SNAPC3: variants seen among roughly 807,000 people sequenced by gnomAD.
SNAPC3 encodes the protein small nuclear RNA activating complex polypeptide 3.
A neutral mutation model predicts 47.7 loss-of-function variants in SNAPC3; 56 were observed. The observed-to-expected ratio is 1.18, with a 90% confidence interval of 0.95 to 1.47. SNAPC3 has a LOEUF of 1.47. Ranked by LOEUF, SNAPC3 falls within the 40% of genes most tolerant of loss-of-function variation. The pLI is 0.00. For missense variants in SNAPC3, 665 were observed against 511.3 expected, an observed-to-expected ratio of 1.30 and a Z score of -2.90; for synonymous variants, 235 against 189.9, an observed-to-expected ratio of 1.24 and a Z score of -1.95.
intron 3 of SNAPC3, among the ~76,000 whole-genome samples, chr9:15,434,940 G>A (rs1020297851): frequency 3.3e-5 from 5 of 152,004 alleles, no homozygotes; most frequent in East Asian, 1.9e-4. Flanking sequence ...TTTATTTTGC[G>A]TCTGCCCCTA....
intron 3 of SNAPC3, among the ~76,000 whole-genome samples, chr9:15,440,325 G>T (rs1280291302): frequency 6.6e-6 from 1 of 152,012 alleles, no homozygotes; most frequent in Non-Finnish European, 1.5e-5. Context: ...TTTCATTTCA[G>T]CCTGAAGAAT....
chr9:15,464,453 A>G (rs1350167338), downstream of SNAPC3: 1 of 200,452 alleles, frequency 5.0e-6, no homozygotes. Context: ...ATTTTGTAAC[A>G]TTGATTTTAC....
chr9:15,442,609 A>G (rs4510952), intron 3 of SNAPC3, among the ~76,000 whole-genome samples: 137,155 of 150,472 alleles, frequency 0.91, 62,694 homozygotes, highest in African/African-American at 0.95. Context: ...CATCTCAGAC[A>G]ATGGGCGGCC....
intron 2 of SNAPC3, among the ~76,000 whole-genome samples, chr9:15,425,655 C>T (rs562796526): frequency 1.3e-5 from 2 of 152,338 alleles, no homozygotes; most frequent in South Asian, 4.1e-4. Flanking sequence ...AGAGTCCAAA[C>T]TCCCATCTGT....
chr9:15,434,075 G>A (rs891718930), intron 3 of SNAPC3, among the ~76,000 whole-genome samples: 5 of 144,334 alleles, frequency 3.5e-5, no homozygotes, highest in African/African-American at 1.5e-4. Flanking sequence ...TAGGCACTGT[G>A]CTGGCACTTG....
chr9:15,464,101 C>T (rs1299100188), downstream of SNAPC3: 5 of 179,526 alleles, frequency 2.8e-5, no homozygotes, highest in African/African-American at 9.5e-5. Context: ...AACAAGTTTA[C>T]ACGTTGAACT....
intron 5 of SNAPC3, 122 bp from the exon 6 acceptor site, chr9:15,451,195 ATAG>A (rs1370733779): frequency 1.2e-4 from 39 of 324,246 alleles, no homozygotes; most frequent in African/African-American, 4.9e-4. Flanking sequence ...AAAATTGAAA[ATAG>A]TAGCAGTTTT....
chr9:15,449,693 C>CA (rs2034251052), intron 5 of SNAPC3, among the ~76,000 whole-genome samples: 1 of 150,538 alleles, frequency 6.6e-6, no homozygotes, highest in African/African-American at 2.4e-5. Flanking sequence ...GCCTCAGCCC[C>CA]ATGAGTAGCT....
rs151133403 is a variant in SNAPC3 at position 15,454,167 on chromosome 9, C to G, written c.980+962C>G. On this transcript the variant is annotated intron_variant, in intron 7 of 8. Coordinates refer to ENST00000380821, the MANE Select transcript of SNAPC3 (RefSeq NM_001039697.2). ...ATTGCTTGAGACCAGGAGGTCAAGG[C>G]TGCAGTGAGCTATGATCATGCCGCT... Among the ~76,000 whole-genome samples the G allele has an allele frequency of 6.2e-3, 937 of 151,534 alleles. 8 individuals are homozygous for G. The highest frequency in any genetic ancestry group is 0.02 in the African/African-American group (846 of 41,298).
intron 3 of SNAPC3, among the ~76,000 whole-genome samples, chr9:15,434,632 T>G (rs760906383): frequency 2.6e-5 from 4 of 152,074 alleles, no homozygotes; most frequent in Non-Finnish European, 4.4e-5. Context: ...TCTCGAACCC[T>G]TGACCTCAAG....
intron 3 of SNAPC3, among the ~76,000 whole-genome samples, chr9:15,434,066 A>G (rs1563841972): frequency 6.6e-6 from 1 of 152,200 alleles, no homozygotes; most frequent in Non-Finnish European, 1.5e-5. Flanking sequence ...TCAATGTGCT[A>G]GGCACTGTGC....
Position 15,423,010 on chromosome 9 carries a change from T to G in SNAPC3, c.131T>G (p.Val44Gly). 6.5e-7 allele frequency: 1 copy of G among 1,545,570 alleles called. No individual in the cohort carries two copies. Among genetic ancestry groups the G allele is most frequent in the Non-Finnish European group, 8.7e-7 (1 of 1,152,902 alleles). ...LPELNTRAFH[V>G]GAFGELWRGR... ...GAGCTAAATACGCGCGCTTTCCATG[T>G]GGGCGCCTTTGGGGAGCTGTGGCGG... Residue 44 changes from valine to glycine, a missense_variant, in exon 1 of 9, where the codon GTG (valine) becomes GGG (glycine). Val to Gly is a moderately radical substitution (Grantham distance 109). Transcript: ENST00000380821.
At chr9:15,453,587 G>T (rs1056081392) in intron 7 of SNAPC3, 1 of 155,466 alleles carries the variant, frequency 6.4e-6, no homozygotes, top group Non-Finnish European at 1.4e-5. Context: ...GAAGATAAAA[G>T]GGAATTGGAG....
At chr9:15,449,534 A>ATT (rs1257648049) in intron 5 of SNAPC3, among the ~76,000 whole-genome samples, 9 of 80,628 alleles carry the variant, frequency 1.1e-4, no homozygotes, top group East Asian at 6.6e-4. Flanking sequence ...TTCTATTATT[A>ATT]TTATATATAT....
intron 7 of SNAPC3, among the ~76,000 whole-genome samples, chr9:15,453,907 T>C (rs2034577514): frequency 6.6e-6 from 1 of 152,212 alleles, no homozygotes; most frequent in South Asian, 2.1e-4. Context: ...AAACCAGTAA[T>C]TACTGGTATT....
In SNAPC3 at chr9:15,422,894, C is replaced by T. The variant is rs1026146892; in HGVS notation, c.15C>T (p.Ser5=). The part of the protein sequence containing the change: MAEG[S]RGGPTCSGVG... ...GTGGGGCGAACATGGCTGAAGGAAGCCGAGGTGGCCCTACGTGTAGCGGGG... is the reference window on the plus strand; with the variant it reads ...GTGGGGCGAACATGGCTGAAGGAAGTCGAGGTGGCCCTACGTGTAGCGGGG... Residue 5 remains serine, a synonymous_variant, in exon 1 of 9, where the codon AGC becomes AGT. Coordinates refer to ENST00000380821, the MANE Select transcript of SNAPC3 (RefSeq NM_001039697.2). The T allele has an allele frequency of 1.1e-5, 17 of 1,534,130 alleles. No homozygotes were observed. Among genetic ancestry groups the T allele is most frequent in the African/African-American group, 1.4e-5 (1 of 71,236 alleles).
In SNAPC3 at chr9:15,459,862, A is replaced by C; in HGVS notation, c.1232A>C (p.Asn411Thr). The change falls in exon 9 of 9, where the codon AAT becomes ACT. Residue 411 changes from asparagine to threonine, a missense_variant. Coordinates refer to ENST00000380821, the MANE Select transcript of SNAPC3 (RefSeq NM_001039697.2). Reference protein sequence around the residue: ...AYPYVDPGTFN With the variant: ...AYPYVDPGTFT ...CCTTATGTTGATCCTGGAACCTTTA[A>C]TTAAGAATAGCTACACTCACAAAAA... 1 of 1,612,228 alleles carries C rather than the reference A, an allele frequency of 6.2e-7. No individual in the cohort carries two copies. Among genetic ancestry groups the C allele is most frequent in the Non-Finnish European group, 8.5e-7 (1 of 1,179,156 alleles).
At chr9:15,459,481 TAC>T (rs1341552012) in intron 8 of SNAPC3, among the ~76,000 whole-genome samples, 2 of 152,184 alleles carry the variant, frequency 1.3e-5, no homozygotes, top group Non-Finnish European at 2.9e-5. Flanking sequence ...GGGTAAGTAT[TAC>T]AGAGAAACAG....
intron 2 of SNAPC3, among the ~76,000 whole-genome samples, chr9:15,429,075 A>G (rs1478867310): frequency 6.6e-6 from 1 of 152,236 alleles, no homozygotes; most frequent in African/African-American, 2.4e-5. Flanking sequence ...GATTTCAGAG[A>G]TAAAGATGAA....
Sources: allele counts gnomAD v4.1 joint callset (sites outside exome capture counted in the v4.1 genomes callset), GRCh38; gene constraint gnomAD v4.1.1; transcripts MANE v1.5; gene names NCBI Gene and HGNC (gene_info 2026-07-23, HGNC 2026-07-21).